MYO1D: variants seen among roughly 807,000 people sequenced by gnomAD.
The protein encoded by MYO1D is myosin ID.
In MYO1D, 83 loss-of-function variants were observed where a neutral mutation model predicts 122.0. That is an observed-to-expected ratio of 0.68 (90% CI 0.57 to 0.82). MYO1D has a LOEUF of 0.82. Among genes scored for constraint, MYO1D ranks in the 40% least tolerant of loss-of-function variants. The pLI is 0.00. For synonymous variants in MYO1D, 464 were observed against 446.9 expected (o/e 1.04, Z -0.48); for missense variants, 1,157 against 1,269.5 (o/e 0.91, Z 1.35).
intron 1 of MYO1D, among the ~76,000 whole-genome samples, chr17:32,785,605 C>T (rs2090285271): frequency 6.6e-6 from 1 of 152,190 alleles, no homozygotes. Context: ...CTTGACCAAA[C>T]TTCCCAAACT....
At chr17:32,640,305 T>C (rs2150940290) in intron 19 of MYO1D, among the ~76,000 whole-genome samples, 1 of 152,344 alleles carries the variant, frequency 6.6e-6, no homozygotes, top group Admixed American at 6.5e-5. Flanking sequence ...AGAGCTTCTA[T>C]AGCAGCATTT....
At chr17:32,549,393 C>T (rs2086991510) in intron 21 of MYO1D, among the ~76,000 whole-genome samples, 1 of 152,178 alleles carries the variant, frequency 6.6e-6, no homozygotes. Context: ...ACTGCACCCT[C>T]CCTCTTAATC....
chr17:32,511,141 G>A (rs948759196), intron 21 of MYO1D, among the ~76,000 whole-genome samples: 4 of 151,840 alleles, frequency 2.6e-5, no homozygotes, highest in African/African-American at 9.7e-5. Flanking sequence ...TCAATCAGAG[G>A]ACATCTGTCC....
At chr17:32,601,481 A>G (rs1329737841) in intron 21 of MYO1D, among the ~76,000 whole-genome samples, 1 of 152,182 alleles carries the variant, frequency 6.6e-6, no homozygotes, top group Non-Finnish European at 1.5e-5. Flanking sequence ...CCCTGAAATG[A>G]TTACAGTAAT....
At chr17:32,718,212 CA>C (rs1396383630) in intron 15 of MYO1D, among the ~76,000 whole-genome samples, 1 of 152,162 alleles carries the variant, frequency 6.6e-6, no homozygotes, top group African/African-American at 2.4e-5. Context: ...CAAGTTCTGA[CA>C]AACGTGTATA....
At chr17:32,800,548 AG>A (rs1425170379) in intron 1 of MYO1D, among the ~76,000 whole-genome samples, 5 of 152,270 alleles carry the variant, frequency 3.3e-5, no homozygotes, top group Admixed American at 2.6e-4. Flanking sequence ...GCTGGAGACC[AG>A]GGGAGGATTG....
chr17:32,822,583 C>A (rs950034887), intron 1 of MYO1D, among the ~76,000 whole-genome samples: 10 of 148,764 alleles, frequency 6.7e-5, no homozygotes, highest in African/African-American at 2.4e-4. Flanking sequence ...GGGTGGGAAC[C>A]GCGGAGGCGG....
intron 16 of MYO1D, among the ~76,000 whole-genome samples, chr17:32,668,497 C>G (rs570297486): frequency 2.0e-5 from 3 of 152,158 alleles, no homozygotes; most frequent in Non-Finnish European, 4.4e-5. Context: ...GCCAAAATAG[C>G]TGATATTTGA....
chr17:32,673,089 ACTTTTTTTTTTT>A (rs2150961578), intron 16 of MYO1D, among the ~76,000 whole-genome samples: 1 of 28,648 alleles, frequency 3.5e-5, no homozygotes, highest in South Asian at 1.3e-3. Context: ...TAAACATGCT[ACTTTTTTTTTTT>A]TTTTTTTTTT....
rs141552116 is a variant in MYO1D, at chr17:32,639,523, C to G, written c.2596-688G>C. 2.4e-4 allele frequency among the ~76,000 whole-genome samples: 37 copies of G among 152,024 alleles called. No individual in the cohort carries two copies. In the East Asian group the frequency reaches 7.2e-3, roughly 29 times the overall value. ...TTTTATAAGTAGTTAGCTACTTAGACTTGGGTAATAAACACATATGTATTT... is the reference window on the plus strand; with the variant it reads ...TTTTATAAGTAGTTAGCTACTTAGAGTTGGGTAATAAACACATATGTATTT... On this transcript the variant is annotated intron_variant, in intron 19 of 21. Coordinates refer to ENST00000318217, the MANE Select transcript of MYO1D (RefSeq NM_015194.3).
intron 20 of MYO1D, among the ~76,000 whole-genome samples, chr17:32,610,005 T>G (rs190177545): frequency 6.6e-6 from 1 of 152,210 alleles, no homozygotes; most frequent in Non-Finnish European, 1.5e-5. Context: ...AAATTCAAAA[T>G]TGAATTGATG....
intron 4 of MYO1D, among the ~76,000 whole-genome samples, chr17:32,774,373 A>C (rs867951864): frequency 2.0e-5 from 3 of 152,142 alleles, no homozygotes; most frequent in Middle Eastern, 3.2e-3. Flanking sequence ...CTGAAGAATG[A>C]AGCTATTTTG....
chr17:32,620,451 G>A (rs1737531399), intron 20 of MYO1D, among the ~76,000 whole-genome samples: 1 of 152,142 alleles, frequency 6.6e-6, no homozygotes, highest in South Asian at 2.1e-4. Flanking sequence ...GCAAGAAAGA[G>A]CAGGCTCTTC....
At chr17:32,536,459 C>T (rs528234800) in intron 21 of MYO1D, among the ~76,000 whole-genome samples, 1 of 152,306 alleles carries the variant, frequency 6.6e-6, no homozygotes, top group Non-Finnish European at 1.5e-5. Flanking sequence ...TCATTTTAAA[C>T]CCGAAACTAA....
At chr17:32,837,814 A>G (rs1281274149) in intron 1 of MYO1D, among the ~76,000 whole-genome samples, 1 of 152,062 alleles carries the variant, frequency 6.6e-6, no homozygotes, top group East Asian at 1.9e-4. Context: ...CATTGTTTTA[A>G]TGTTTAACTC....
At chr17:32,809,444 T>C (rs2090550022) in intron 1 of MYO1D, among the ~76,000 whole-genome samples, 3 of 150,766 alleles carry the variant, frequency 2.0e-5, no homozygotes, top group African/African-American at 4.9e-5. Flanking sequence ...TTTTTTTTTT[T>C]TTTTCTTTTT....
chr17:32,610,302 T>G (rs2087684385), intron 20 of MYO1D, among the ~76,000 whole-genome samples: 1 of 152,144 alleles, frequency 6.6e-6, no homozygotes. Context: ...TTATCTGCTG[T>G]GGATGGGAAT....
At chr17:32,539,871 T>C (rs17733497) in intron 21 of MYO1D, among the ~76,000 whole-genome samples, 15,037 of 152,230 alleles carry the variant, frequency 0.099, 852 homozygotes, top group South Asian at 0.17. Context: ...TGAGAAGTTT[T>C]AGGTCATTCT....
At chr17:32,691,813 A>AT (rs2089105453) in intron 16 of MYO1D, among the ~76,000 whole-genome samples, 1 of 152,202 alleles carries the variant, frequency 6.6e-6, no homozygotes, top group South Asian at 2.1e-4. Flanking sequence ...TAATTTTTAG[A>AT]TTTTTTGGAA....
Sources: gnomAD v4.1 joint callset for allele counts (sites outside exome capture counted in the v4.1 genomes callset) on GRCh38, gnomAD v4.1.1 for gene constraint, MANE v1.5 for transcripts, NCBI Gene and HGNC (gene_info 2026-07-23, HGNC 2026-07-21) for gene names.